PALM2AKAP2: variants seen among roughly 807,000 people sequenced by gnomAD.
PALM2AKAP2 encodes the protein PALM2-AKAP2 fusion protein.
Under a neutral mutation model 71.5 loss-of-function variants are expected in PALM2AKAP2, and 37 were observed. The ratio of observed to expected loss-of-function variants is 0.52; its 90% CI spans 0.40 to 0.68. PALM2AKAP2 has a LOEUF of 0.68. PALM2AKAP2 is among the 30% of genes least tolerant of loss of function. The pLI, the probability that PALM2AKAP2 is intolerant of heterozygous loss-of-function variation, is 0.00. For missense variants in PALM2AKAP2, 1,224 were observed against 1,191.8 expected (o/e 1.03, Z -0.40); for synonymous variants, 468 against 478.8 (o/e 0.98, Z 0.29).
chr9:109,780,063 C>T (rs1481307422), upstream of PALM2AKAP2, among the ~76,000 whole-genome samples: 1 of 151,268 alleles, frequency 6.6e-6, no homozygotes, highest in East Asian at 1.9e-4. Flanking sequence ...CCTTGGAGAC[C>T]CGCGGCGGCG....
intron 6 of PALM2AKAP2, among the ~76,000 whole-genome samples, chr9:110,008,413 A>C (rs1223749518): frequency 1.3e-5 from 2 of 151,396 alleles, no homozygotes; most frequent in African/African-American, 4.8e-5. Flanking sequence ...TCATCTCTAC[A>C]AAATTAATAA....
At chr9:110,077,507 G>A (rs1019890803) in intron 1 of PALM2AKAP2, among the ~76,000 whole-genome samples, 9 of 152,110 alleles carry the variant, frequency 5.9e-5, no homozygotes, top group African/African-American at 1.7e-4. Flanking sequence ...TCAGGTAAAC[G>A]GTGAGGCTGG....
intron 6 of PALM2AKAP2, among the ~76,000 whole-genome samples, chr9:110,006,160 C>G (rs1200960559): frequency 3.3e-5 from 5 of 152,270 alleles, no homozygotes; most frequent in African/African-American, 1.2e-4. Flanking sequence ...ATTCGGCCAT[C>G]TTGGCTCCAC....
chr9:109,946,737 TAGAA>T (rs1831518026), intron 6 of PALM2AKAP2: 1 of 105,566 alleles, frequency 9.5e-6, no homozygotes, highest in African/African-American at 3.6e-5. Flanking sequence ...CCCTTTTAAA[TAGAA>T]AGAGGAGGAA....
At chr9:109,761,295 G>A (rs1431223396) in intron 1 of PALM2AKAP2, among the ~76,000 whole-genome samples, 2 of 152,172 alleles carry the variant, frequency 1.3e-5, no homozygotes, top group Non-Finnish European at 2.9e-5. Context: ...CAGATGAATA[G>A]GTCAGGAATT....
intron 1 of PALM2AKAP2, among the ~76,000 whole-genome samples, chr9:109,660,315 T>A (rs1827372685): frequency 6.6e-6 from 1 of 152,156 alleles, no homozygotes; most frequent in African/African-American, 2.4e-5. Flanking sequence ...TCATTTACAT[T>A]AGGTATTTCT....
intron 6 of PALM2AKAP2, among the ~76,000 whole-genome samples, chr9:109,984,696 CTTT>C (rs35425431): frequency 8.0e-5 from 11 of 136,682 alleles, no homozygotes; most frequent in Non-Finnish European, 9.4e-5. Context: ...AGCTCTATAA[CTTT>C]TTTTTTTTTT....
Position 109,798,185 on chromosome 9 carries a change from A to G in PALM2AKAP2, c.45+17652A>G, listed in dbSNP as rs115378624. The stretch of plus-strand genomic sequence containing the variant: ...GTGTGTCCAAATTTCCCCTTTTCAT[A>G]AGGACACCAATCATGTTGGAATAGG... On this transcript the variant is annotated intron_variant, in intron 1 of 9. Transcript: ENST00000302798. Among the ~76,000 whole-genome samples, 51 of 152,208 alleles carry G rather than the reference A, an allele frequency of 3.4e-4. 1 individual carries two copies. The highest frequency in any genetic ancestry group is 1.2e-3 in the African/African-American group (50 of 41,528).
intron 3 of PALM2AKAP2, among the ~76,000 whole-genome samples, chr9:109,885,048 C>T (rs762326390): frequency 7.2e-5 from 11 of 152,168 alleles, no homozygotes; most frequent in Admixed American, 4.6e-4. Context: ...TCAAATAAAG[C>T]ATGCAAATTT....
At chr9:109,898,135 A>ATTG (rs973818885) in intron 3 of PALM2AKAP2, among the ~76,000 whole-genome samples, 2 of 152,216 alleles carry the variant, frequency 1.3e-5, no homozygotes, top group Non-Finnish European at 2.9e-5. Flanking sequence ...CTTTGTTGTT[A>ATTG]TTGTTGTTGT....
At chr9:109,842,878 C>T (rs956026462) in intron 1 of PALM2AKAP2, among the ~76,000 whole-genome samples, 1 of 151,872 alleles carries the variant, frequency 6.6e-6, no homozygotes, top group Non-Finnish European at 1.5e-5. Flanking sequence ...CGGTGGCTCA[C>T]GCCTGTAATC....
intron 1 of PALM2AKAP2, among the ~76,000 whole-genome samples, chr9:110,093,824 T>C (rs1409693092): frequency 1.3e-5 from 2 of 152,188 alleles, no homozygotes; most frequent in Admixed American, 6.5e-5. Flanking sequence ...CTTTTAAGAC[T>C]CAGTTCAGAT....
intron 6 of PALM2AKAP2, among the ~76,000 whole-genome samples, chr9:109,998,499 A>G (rs1332614551): frequency 6.6e-6 from 1 of 152,072 alleles, no homozygotes; most frequent in Non-Finnish European, 1.5e-5. Flanking sequence ...CGAACACTCA[A>G]TAGCCGTGGA....
intron 6 of PALM2AKAP2, among the ~76,000 whole-genome samples, chr9:109,966,679 T>A (rs1470148834): frequency 1.3e-5 from 2 of 152,264 alleles, no homozygotes; most frequent in Non-Finnish European, 1.5e-5. Context: ...GTTACGTTAT[T>A]TTTTGGTGTT....
chr9:110,140,551 C>T (rs886322621), intron 2 of PALM2AKAP2, among the ~76,000 whole-genome samples: 1 of 152,162 alleles, frequency 6.6e-6, no homozygotes, highest in African/African-American at 2.4e-5. Context: ...CATGAGTTTG[C>T]CCTGATGCTT....
intron 1 of PALM2AKAP2, among the ~76,000 whole-genome samples, chr9:109,644,869 G>A (rs1166835910): frequency 6.6e-6 from 1 of 152,082 alleles, no homozygotes; most frequent in Non-Finnish European, 1.5e-5. Flanking sequence ...GACCTCCTCA[G>A]CCTGGATTTC....
intron 1 of PALM2AKAP2, among the ~76,000 whole-genome samples, chr9:109,841,173 A>G (rs544392225): frequency 0.011 from 1,718 of 152,228 alleles, 21 homozygotes; most frequent in Non-Finnish European, 0.016. Flanking sequence ...ACACCATGGA[A>G]TACTATGCTG....
At chr9:109,915,006 A>G (rs1830652169) in intron 3 of PALM2AKAP2, among the ~76,000 whole-genome samples, 2 of 151,856 alleles carry the variant, frequency 1.3e-5, no homozygotes, top group Admixed American at 1.3e-4. Context: ...TGCTCTTTCT[A>G]CCACCTCCTA....
At chr9:110,059,257 A>G (rs188769316) in intron 1 of PALM2AKAP2, among the ~76,000 whole-genome samples, 17 of 152,328 alleles carry the variant, frequency 1.1e-4, no homozygotes, top group Admixed American at 9.2e-4. Context: ...TCATTCATCC[A>G]GTTGTGAGAG....
Sources: allele counts gnomAD v4.1 joint callset (sites outside exome capture counted in the v4.1 genomes callset), GRCh38; gene constraint gnomAD v4.1.1; transcripts MANE v1.5; gene names NCBI Gene and HGNC (gene_info 2026-07-23, HGNC 2026-07-21).